FAF1: variants seen among roughly 807,000 people sequenced by gnomAD.
FAF1 encodes the protein FAS-associated factor 1.
FAF1 carries 25 observed loss-of-function variants against 92.5 expected under a neutral mutation model. That is an observed-to-expected ratio of 0.27 (90% CI 0.20 to 0.38). The LOEUF (loss-of-function observed/expected upper bound fraction) is 0.38, where lower values mean the gene tolerates loss of function less well. FAF1 is among the 10% of genes least tolerant of loss of function. The probability of loss-of-function intolerance (pLI) is 1.00; values close to 1 mark genes in which losing one functional copy is unlikely to be tolerated. For missense variants in FAF1, 636 were observed against 793.3 expected, an observed-to-expected ratio of 0.80 and a Z score of 2.38; for synonymous variants, 234 against 273.2, an observed-to-expected ratio of 0.86 and a Z score of 1.42.
intron 15 of FAF1, among the ~76,000 whole-genome samples, chr1:50,495,461 A>C (rs887532055): frequency 5.9e-5 from 9 of 152,184 alleles, no homozygotes; most frequent in Admixed American, 5.2e-4. Flanking sequence ...TTTGTAGCTG[A>C]GTAGTACTCT....
At chr1:50,864,533 C>T (rs905526337) in intron 1 of FAF1, among the ~76,000 whole-genome samples, 1 of 152,098 alleles carries the variant, frequency 6.6e-6, no homozygotes, top group South Asian at 2.1e-4. Context: ...AGAAATAACA[C>T]CACATATCTA....
rs1644017628 is a variant in FAF1, at chr1:50,819,706, TATATATATACGTATATATATATAC to T, written c.115-18053_115-18030del. 1.5e-4 allele frequency among the ~76,000 whole-genome samples: 7 copies of T among 46,534 alleles called. 2 individuals are homozygous for T. The highest frequency in any genetic ancestry group is 6.1e-4 in the South Asian group (1 of 1,652). 30.5% of individuals were successfully genotyped at this position (46,534 alleles called of 152,430 possible). A position where few individuals can be genotyped will look rare whatever the true frequency, so the allele number is the denominator to read the frequency against. ...ATATATATATACATATATATATACA[TATATATATACGTATATATATATAC>T]ATATATATACATATATATATACATA... On this transcript the variant is annotated intron_variant, in intron 2 of 18. Coordinates refer to ENST00000396153, the MANE Select transcript of FAF1 (RefSeq NM_007051.3).
intron 8 of FAF1, among the ~76,000 whole-genome samples, chr1:50,641,424 T>C (rs1027345369): frequency 2.0e-5 from 3 of 152,262 alleles, no homozygotes; most frequent in Non-Finnish European, 2.9e-5. Flanking sequence ...CAATCTTTTC[T>C]GATTTCTTCT....
chr1:50,893,930 C>T (rs1229087002), intron 1 of FAF1, among the ~76,000 whole-genome samples: 2 of 152,100 alleles, frequency 1.3e-5, no homozygotes, highest in Non-Finnish European at 2.9e-5. Flanking sequence ...CCATACTTCC[C>T]TCCCCTTTCC....
intron 6 of FAF1, among the ~76,000 whole-genome samples, chr1:50,731,467 T>C (rs1658919035): frequency 6.6e-6 from 1 of 151,854 alleles, no homozygotes; most frequent in Non-Finnish European, 1.5e-5. Context: ...CCTCCCAGGT[T>C]CACGCCATTC....
chr1:50,826,905 C>G (rs1644103669), intron 2 of FAF1, among the ~76,000 whole-genome samples: 2 of 151,940 alleles, frequency 1.3e-5, no homozygotes, highest in Non-Finnish European at 2.9e-5. Flanking sequence ...CGCCTCTGCC[C>G]AGCCGCCCCG....
At chr1:50,559,134 C>T (rs1649737845) in intron 13 of FAF1, among the ~76,000 whole-genome samples, 1 of 151,972 alleles carries the variant, frequency 6.6e-6, no homozygotes, top group Non-Finnish European at 1.5e-5. Flanking sequence ...GCCTGTAGCC[C>T]CAGCTACTTG....
chr1:50,749,396 T>G (rs1659756036), intron 4 of FAF1, among the ~76,000 whole-genome samples: 1 of 152,150 alleles, frequency 6.6e-6, no homozygotes, highest in South Asian at 2.1e-4. Flanking sequence ...GCAGAAAGCC[T>G]GGGTAACACA....
intron 1 of FAF1, among the ~76,000 whole-genome samples, chr1:50,958,338 A>G (rs183522125): frequency 6.6e-6 from 1 of 152,294 alleles, no homozygotes; most frequent in East Asian, 1.9e-4. Context: ...TTCACTGGGT[A>G]ACCAAAACAG....
rs1038480279 is a variant in FAF1, at chr1:50,783,204, T to C, written c.367+4796A>G. Among the ~76,000 whole-genome samples the C allele has an allele frequency of 2.0e-4, 30 of 152,154 alleles. 1 individual carries two copies. Among genetic ancestry groups the C allele is most frequent in the African/African-American group, 6.8e-4 (28 of 41,442 alleles). The stretch of plus-strand genomic sequence containing the variant: ...GAACAGACATACAACTAGTCTGTTA[T>C]AGAGAGTGAATCAGTAATCAAAAAT... On this transcript the variant is annotated intron_variant, in intron 4 of 18. Coordinates refer to ENST00000396153, the MANE Select transcript of FAF1 (RefSeq NM_007051.3).
chr1:50,756,607 A>G (rs745951921), intron 4 of FAF1, among the ~76,000 whole-genome samples: 1 of 152,212 alleles, frequency 6.6e-6, no homozygotes, highest in Non-Finnish European at 1.5e-5. Flanking sequence ...AATTTACTGT[A>G]TTAGTCCATT....
chr1:50,678,112 T>A (rs1429376165), intron 7 of FAF1, among the ~76,000 whole-genome samples: 1 of 152,166 alleles, frequency 6.6e-6, no homozygotes, highest in Non-Finnish European at 1.5e-5. Context: ...TAATATATGC[T>A]TGACATTGCC....
chr1:50,489,557 A>AT (rs1646806015), intron 17 of FAF1, among the ~76,000 whole-genome samples: 1 of 152,184 alleles, frequency 6.6e-6, no homozygotes, highest in Admixed American at 6.5e-5. Flanking sequence ...TTATAATTCT[A>AT]TTTTTATAAG....
At chr1:50,902,528 C>T (rs1644803916) in intron 1 of FAF1, among the ~76,000 whole-genome samples, 1 of 152,086 alleles carries the variant, frequency 6.6e-6, no homozygotes, top group African/African-American at 2.4e-5. Flanking sequence ...GTGGCTCACA[C>T]TCTATTTTGG....
chr1:50,618,844 G>C (rs917855884), intron 8 of FAF1, among the ~76,000 whole-genome samples: 23 of 151,834 alleles, frequency 1.5e-4, no homozygotes, highest in Admixed American at 1.4e-3. Flanking sequence ...TGCCTCCTGG[G>C]TTCCAGCGAT....
At chr1:50,515,344 T>C (rs1371688049) in intron 15 of FAF1, among the ~76,000 whole-genome samples, 1 of 152,146 alleles carries the variant, frequency 6.6e-6, no homozygotes, top group African/African-American at 2.4e-5. Flanking sequence ...TCAGGTTTTG[T>C]ATGTATTCTA....
chr1:50,599,175 C>T (rs993286992), intron 8 of FAF1, among the ~76,000 whole-genome samples: 6 of 152,070 alleles, frequency 3.9e-5, no homozygotes, highest in Non-Finnish European at 7.4e-5. Flanking sequence ...TGCAGTGGTA[C>T]GATCTCAGCT....
chr1:50,926,684 A>AT (rs1167633267), intron 1 of FAF1, among the ~76,000 whole-genome samples: 1 of 152,222 alleles, frequency 6.6e-6, no homozygotes, highest in Non-Finnish European at 1.5e-5. Flanking sequence ...GTTGTATCCC[A>AT]TAAGTATACA....
chr1:50,925,145 A>G (rs577006310), intron 1 of FAF1, among the ~76,000 whole-genome samples: 1 of 152,354 alleles, frequency 6.6e-6, no homozygotes, highest in Admixed American at 6.5e-5. Context: ...AATGGTGCTA[A>G]GAAAAATGGA....
Sources: allele counts gnomAD v4.1 joint callset (sites outside exome capture counted in the v4.1 genomes callset), GRCh38; gene constraint gnomAD v4.1.1; transcripts MANE v1.5; gene names NCBI Gene and HGNC (gene_info 2026-07-23, HGNC 2026-07-21).